The following RECQL variants were observed in gnomAD, a reference collection of about 807,000 sequenced individuals.
RECQL encodes the protein ATP-dependent DNA helicase Q1.
In RECQL, 73 loss-of-function variants were observed where a neutral mutation model predicts 75.8. That is an observed-to-expected ratio of 0.96 (90% CI 0.80 to 1.17). The LOEUF is 1.17. Ranked by LOEUF, RECQL falls within the 50% of genes most tolerant of loss-of-function variation. RECQL has a pLI of 0.00. For synonymous variants in RECQL, 248 were observed against 254.4 expected, an observed-to-expected ratio of 0.97 and a Z score of 0.24; for missense variants, 699 against 772.1, an observed-to-expected ratio of 0.91 and a Z score of 1.12.
chr12:21,483,928 T>A (rs1050207175), intron 5 of RECQL, among the ~76,000 whole-genome samples: 1 of 152,168 alleles, frequency 6.6e-6, no homozygotes, highest in Non-Finnish European at 1.5e-5. Flanking sequence ...GCAATTGTTA[T>A]GGTTATAAAG....
chr12:21,483,434 A>T lies in RECQL; in HGVS notation c.642T>A (p.Thr214=), dbSNP rs113128126. The change falls in exon 6 of 15, where the codon ACT becomes ACA. Residue 214 remains threonine, a synonymous_variant. Transcript: ENST00000444129. Reference sequence around the variant, plus strand: ...AGTGAACTTCATCCACAGCAATTCGAGTAAATCTCCTTGCTTCATAGGCTT... The same window carrying T: ...AGTGAACTTCATCCACAGCAATTCGTGTAAATCTCCTTGCTTCATAGGCTT... The part of the protein sequence containing the change: ...LEKAYEARRF[T]RIAVDEVHCC... 10 of 1,606,696 alleles carry T rather than the reference A, an allele frequency of 6.2e-6. No homozygotes were observed. The Admixed American group carries it at 1.7e-4, about 28-fold the overall frequency.
intron 8 of RECQL, among the ~76,000 whole-genome samples, chr12:21,476,055 T>C (rs548886491): frequency 4.6e-5 from 7 of 152,172 alleles, no homozygotes; most frequent in African/African-American, 1.4e-4. Context: ...GTTCCTGTTA[T>C]CTCTTTTCTC....
chr12:21,499,458 A>G, intron 2 of RECQL, 97 bp downstream of exon 2: 1 of 1,165,112 alleles, frequency 8.6e-7, no homozygotes, highest in Non-Finnish European at 1.2e-6. Flanking sequence ...GAAAAAAATC[A>G]TTTCTATAAT....
rs1202038688 is a variant in RECQL, at chr12:21,490,376, A to G, written c.217T>C (p.Phe73Leu). 3 of 1,602,514 alleles carry G rather than the reference A, an allele frequency of 1.9e-6. No homozygotes were observed. Among genetic ancestry groups the G allele is most frequent in the Admixed American group, 1.7e-5 (1 of 59,648 alleles). Residue 73 changes from phenylalanine to leucine, a missense_variant and splice_region_variant, in exon 4 of 15, where the codon TTT becomes CTT. By Grantham distance (22) the Phe-to-Leu change is conservative. Coordinates refer to ENST00000444129, the MANE Select transcript of RECQL (RefSeq NM_002907.4). ...SSPAAWNKED[F>L]PWSGKVKDIL... The stretch of plus-strand genomic sequence containing the variant: ...TCTTTAACTTTACCAGACCATGGAA[A>G]ATCTAGGAAAAGAAAGTTAAGAATC...
intron 2 of RECQL, among the ~76,000 whole-genome samples, chr12:21,495,412 T>C (rs531816241): frequency 6.6e-6 from 1 of 152,118 alleles, no homozygotes; most frequent in South Asian, 2.1e-4. Context: ...CTGGCTAACA[T>C]GGTGAAACCC....
At chr12:21,501,081 T>C (rs2136792250) in intron 1 of RECQL, 89 bp downstream of exon 1, 1 of 152,104 alleles carries the variant, frequency 6.6e-6, no homozygotes, top group African/African-American at 2.4e-5. Flanking sequence ...CACCTGCATT[T>C]AGAGGCAATA....
chr12:21,486,577 G>GC lies in RECQL; in HGVS notation c.402_403insG (p.Leu135AlafsTer31). The GC allele has an allele frequency of 6.6e-7, 1 of 1,511,764 alleles. No individual in the cohort carries two copies. The highest frequency in any genetic ancestry group is 2.0e-5 in the Admixed American group (1 of 50,094). 93.6% of individuals were successfully genotyped at this position (1,511,764 alleles called of 1,614,324 possible). On this transcript the variant is annotated frameshift_variant, in exon 5 of 15. Coordinates refer to ENST00000444129, the MANE Select transcript of RECQL (RefSeq NM_002907.4). LOFTEE classifies it high-confidence loss of function. ...AGAGAGATCAATGGGCAAATGACGA[G>GC]TGTAAAACCTAAAAGAGAAAAAAAA... is the stretch of plus-strand genomic sequence containing the variant.
At chr12:21,485,514 C>G (rs981806218) in intron 5 of RECQL, among the ~76,000 whole-genome samples, 1 of 151,136 alleles carries the variant, frequency 6.6e-6, no homozygotes, top group Non-Finnish European at 1.5e-5. Flanking sequence ...AAATACAATA[C>G]AATGCATGAA....
chr12:21,481,581 TAGAA>T (rs1053405406), intron 6 of RECQL, among the ~76,000 whole-genome samples: 2 of 152,074 alleles, frequency 1.3e-5, no homozygotes, highest in African/African-American at 4.8e-5. Context: ...GGGCCCTTAA[TAGAA>T]AGGCGTATAC....
At chr12:21,471,272 T>G (rs1430980182) in intron 13 of RECQL, 156 bp downstream of exon 13, 1 of 963,252 alleles carries the variant, frequency 1.0e-6, no homozygotes, top group East Asian at 2.8e-5. Flanking sequence ...CTTTTTTTTA[T>G]TTATAGTGAT....
At chr12:21,496,012 T>C (rs1943500766) in intron 2 of RECQL, among the ~76,000 whole-genome samples, 1 of 152,202 alleles carries the variant, frequency 6.6e-6, no homozygotes, top group South Asian at 2.1e-4. Context: ...GGATTATTAT[T>C]ATAGGAAAGA....
chr12:21,470,018 T>C lies in RECQL; in HGVS notation c.*176A>G. 4.0e-6 allele frequency: 3 copies of C among 758,032 alleles called. No homozygotes were observed. Among genetic ancestry groups the C allele is most frequent in the Non-Finnish European group, 5.8e-6 (3 of 516,476 alleles). 47.0% of individuals were successfully genotyped at this position (758,032 alleles called of 1,614,324 possible). ...TACTGGAAAATTATATAATTCATGA[T>C]CTCTAATTTTCAAACATTCTCAAAA... On this transcript the variant is annotated 3_prime_UTR_variant, in exon 15 of 15. Coordinates refer to ENST00000444129, the MANE Select transcript of RECQL (RefSeq NM_002907.4).
chr12:21,471,015 T>C lies in RECQL; in HGVS notation c.1751A>G (p.His584Arg). The change falls in exon 14 of 15, where the codon CAT becomes CGT. Residue 584 changes from histidine to arginine, a missense_variant. His to Arg is a conservative substitution (Grantham distance 29). Coordinates refer to ENST00000444129, the MANE Select transcript of RECQL (RefSeq NM_002907.4). ...CTTTGTCACTTGCATAGTAATAGCA[T>C]GTGCCTCATTGTTCAGAAGATTAGC... ...PKANLLNNEAHAITMQVTKST... is the reference protein window; with the variant it reads ...PKANLLNNEARAITMQVTKST... The C allele has an allele frequency of 6.3e-7, 1 of 1,596,668 alleles. No individual in the cohort carries two copies. The highest frequency in any genetic ancestry group is 8.5e-7 in the Non-Finnish European group (1 of 1,173,316).
chr12:21,470,998 C>T lies in RECQL; in HGVS notation c.1768G>A (p.Val590Met), dbSNP rs765830143. ...NNEAHAITMQ[V>M]TKSTQNSFRA... ...AAAGAGTTCTGCGTGGACTTTGTCA[C>T]TTGCATAGTAATAGCATGTGCCTCA... The change falls in exon 14 of 15, where the codon GTG (valine) becomes ATG (methionine). Residue 590 changes from valine (V) to methionine (M), a missense_variant. Around this residue, in one of 2 missense-constraint regions of RECQL, gnomAD observed 669 missense variants for 713.5 expected, o/e 0.94. Transcript: ENST00000444129. 1.9e-6 allele frequency: 3 copies of T among 1,566,618 alleles called. No homozygotes were observed. The highest frequency in any genetic ancestry group is 1.2e-5 in the South Asian group (1 of 82,916).
At chr12:21,487,415 A>C (rs1565571661) in intron 4 of RECQL, among the ~76,000 whole-genome samples, 1 of 152,204 alleles carries the variant, frequency 6.6e-6, no homozygotes, top group Non-Finnish European at 1.5e-5. Context: ...TGTCTGAATG[A>C]AGTTATAGTA....
In RECQL at chr12:21,468,956, A is replaced by G. The variant is rs1942857632; in HGVS notation, c.*1238T>C. ...GTTTATTTATAGATATATCTTTCCA[A>G]TACAACACTGACCGCTTAGATAAAA... On this transcript the variant is annotated 3_prime_UTR_variant, in exon 15 of 15. Coordinates refer to ENST00000444129, the MANE Select transcript of RECQL (RefSeq NM_002907.4). 3.9e-6 allele frequency: 2 copies of G among 506,826 alleles called. No individual in the cohort carries two copies. Among genetic ancestry groups the G allele is most frequent in the Non-Finnish European group, 6.8e-6 (2 of 293,100 alleles). 31.4% of individuals were successfully genotyped at this position (506,826 alleles called of 1,614,324 possible). A position where few individuals can be genotyped will look rare whatever the true frequency, so the allele number is the denominator to read the frequency against.
At chr12:21,482,737 C>T (rs1348020400) in intron 6 of RECQL, among the ~76,000 whole-genome samples, 4 of 152,112 alleles carry the variant, frequency 2.6e-5, no homozygotes, top group African/African-American at 9.7e-5. Context: ...TCCAGCAAAT[C>T]CTAATGTGTG....
intron 2 of RECQL, among the ~76,000 whole-genome samples, chr12:21,497,952 A>C (rs1943538787): frequency 6.6e-6 from 1 of 152,226 alleles, no homozygotes; most frequent in African/African-American, 2.4e-5. Context: ...TGAAAGAGGC[A>C]GCACTTTGTT....
chr12:21,478,584 G>A (rs1248812587), intron 6 of RECQL, among the ~76,000 whole-genome samples: 1 of 152,182 alleles, frequency 6.6e-6, no homozygotes, highest in Non-Finnish European at 1.5e-5. Flanking sequence ...AGAGGAAACA[G>A]CATATACACT....
Sources: gnomAD v4.1 joint callset for allele counts (sites outside exome capture counted in the v4.1 genomes callset) on GRCh38, gnomAD v4.1.1 for gene constraint, gnomAD v4.1.1 regional missense constraint, MANE v1.5 for transcripts, NCBI Gene and HGNC (gene_info 2026-07-23, HGNC 2026-07-21) for gene names.